NRXN3: variants seen among roughly 807,000 people sequenced by gnomAD.
The protein encoded by NRXN3 is neurexin III.
Under a neutral mutation model 137.6 loss-of-function variants are expected in NRXN3, and 32 were observed. The observed-to-expected ratio is 0.23, with a 90% CI of 0.18 to 0.31. The LOEUF (loss-of-function observed/expected upper bound fraction) is 0.31, where lower values mean the gene tolerates loss of function less well. Among genes scored for constraint, NRXN3 ranks in the 10% least tolerant of loss-of-function variants. The probability of loss-of-function intolerance (pLI) is 1.00; values close to 1 mark genes in which losing one functional copy is unlikely to be tolerated. For missense variants in NRXN3, 1,574 were observed against 2,062.5 expected (o/e 0.76, Z 4.59); for synonymous variants, 798 against 784.5 (o/e 1.02, Z -0.29).
At chr14:78,661,096 G>A (rs1352529502) in intron 6 of NRXN3, among the ~76,000 whole-genome samples, 1 of 152,150 alleles carries the variant, frequency 6.6e-6, no homozygotes, top group East Asian at 1.9e-4. Flanking sequence ...CTAGACAATT[G>A]AAAAATGTAG....
chr14:79,013,498 T>A (rs1438583574), intron 15 of NRXN3, among the ~76,000 whole-genome samples: 1 of 152,190 alleles, frequency 6.6e-6, no homozygotes, highest in East Asian at 1.9e-4. Context: ...TCACAGGGGT[T>A]ATTAACTTCT....
intron 4 of NRXN3, among the ~76,000 whole-genome samples, chr14:78,344,083 A>G (rs1035164339): frequency 3.3e-5 from 5 of 152,146 alleles, no homozygotes; most frequent in African/African-American, 1.2e-4. Flanking sequence ...ATTCCACTAG[A>G]TATCCAGGGT....
At chr14:79,346,793 C>T (rs552358905) in intron 15 of NRXN3, among the ~76,000 whole-genome samples, 24 of 152,158 alleles carry the variant, frequency 1.6e-4, no homozygotes, top group African/African-American at 5.5e-4. Flanking sequence ...GCTTGATTGC[C>T]CCATCCAAAA....
At chr14:79,016,086 G>T (rs1467001976) in intron 15 of NRXN3, among the ~76,000 whole-genome samples, 1 of 151,882 alleles carries the variant, frequency 6.6e-6, no homozygotes, top group Non-Finnish European at 1.5e-5. Context: ...CCCTTTATTT[G>T]CTCTTTCTGC....
intron 16 of NRXN3, among the ~76,000 whole-genome samples, chr14:79,496,241 A>T (rs61995167): frequency 0.17 from 22,905 of 134,542 alleles, 1,943 homozygotes; most frequent in African/African-American, 0.27. Context: ...TCTCTCTCAC[A>T]CACACACACA....
intron 1 of NRXN3, among the ~76,000 whole-genome samples, chr14:78,235,402 A>G (rs1390083452): frequency 1.3e-5 from 2 of 151,986 alleles, no homozygotes; most frequent in Non-Finnish European, 2.9e-5. Context: ...GCCTTCTTTG[A>G]ATGCTGTTCT....
intron 16 of NRXN3, among the ~76,000 whole-genome samples, chr14:79,614,696 C>A (rs79916960): frequency 0.035 from 5,278 of 151,454 alleles, 310 homozygotes; most frequent in African/African-American, 0.12. Flanking sequence ...CTCCTGTGCC[C>A]AGCAAAATGT....
At chr14:78,652,825 G>A (rs898677363) in intron 6 of NRXN3, among the ~76,000 whole-genome samples, 2 of 152,198 alleles carry the variant, frequency 1.3e-5, no homozygotes, top group Admixed American at 1.3e-4. Flanking sequence ...AAATTTGGTG[G>A]CTCTTTTTAA....
chr14:78,257,516 T>C (rs924687771), intron 2 of NRXN3, among the ~76,000 whole-genome samples: 30 of 152,176 alleles, frequency 2.0e-4, no homozygotes, highest in African/African-American at 7.0e-4. Flanking sequence ...AAGTGAGAGT[T>C]AGGGATTGGA....
intron 15 of NRXN3, among the ~76,000 whole-genome samples, chr14:79,037,971 T>G (rs1298623475): frequency 6.6e-6 from 1 of 152,062 alleles, no homozygotes; most frequent in Non-Finnish European, 1.5e-5. Flanking sequence ...GAAAATATGA[T>G]TGGGTTTAAT....
chr14:79,259,935 C>T (rs965677644), intron 15 of NRXN3, among the ~76,000 whole-genome samples: 1 of 152,082 alleles, frequency 6.6e-6, no homozygotes, highest in Non-Finnish European at 1.5e-5. Context: ...GTCTCCCCCA[C>T]CTTTCCTTTT....
chr14:78,651,380 C>A, intron 6 of NRXN3, 54 bp downstream of exon 6: 1 of 1,553,484 alleles, frequency 6.4e-7, no homozygotes, highest in Non-Finnish European at 8.8e-7. Flanking sequence ...CATTTATAAA[C>A]AAATGACATG....
intron 17 of NRXN3, among the ~76,000 whole-genome samples, chr14:79,669,398 T>C (rs970966968): frequency 2.0e-5 from 3 of 152,246 alleles, no homozygotes; most frequent in Admixed American, 1.3e-4. Flanking sequence ...TCACAAAATG[T>C]ATCAATTAAT....
intron 1 of NRXN3, among the ~76,000 whole-genome samples, chr14:78,201,925 C>T (rs1017931411): frequency 6.6e-6 from 1 of 152,248 alleles, no homozygotes; most frequent in Non-Finnish European, 1.5e-5. Flanking sequence ...TTCAAAGCCT[C>T]TCTCTGAGCA....
chr14:78,746,564 G>A (rs945723216), intron 8 of NRXN3, among the ~76,000 whole-genome samples: 2 of 152,122 alleles, frequency 1.3e-5, no homozygotes, highest in South Asian at 2.1e-4. Flanking sequence ...CCCTGAACAC[G>A]GAGGAAATTC....
At chr14:78,175,242 C>T (rs11628166) in intron 1 of NRXN3, among the ~76,000 whole-genome samples, 1 of 152,238 alleles carries the variant, frequency 6.6e-6, no homozygotes, top group East Asian at 1.9e-4. Context: ...ACCTTTCTAG[C>T]ATCCCTCTCC....
chr14:79,342,291 A>C (rs1026097427), intron 15 of NRXN3, among the ~76,000 whole-genome samples: 1 of 152,222 alleles, frequency 6.6e-6, no homozygotes, highest in African/African-American at 2.4e-5. Context: ...TCTAAGATGC[A>C]GACAGGTATA....
At chr14:78,305,907 A>G (rs1210250389) in intron 4 of NRXN3, among the ~76,000 whole-genome samples, 1 of 152,160 alleles carries the variant, frequency 6.6e-6, no homozygotes, top group Non-Finnish European at 1.5e-5. Context: ...CTGTGGGGGA[A>G]AATAGATTTA....
intron 16 of NRXN3, among the ~76,000 whole-genome samples, chr14:79,577,101 G>A (rs2371058): frequency 0.2 from 30,721 of 151,850 alleles, 4,258 homozygotes; most frequent in African/African-American, 0.39. Context: ...TATAAATGGG[G>A]GTTCCCCTGC....
Sources: allele counts gnomAD v4.1 joint callset (sites outside exome capture counted in the v4.1 genomes callset), GRCh38; gene constraint gnomAD v4.1.1; transcripts MANE v1.5; gene names NCBI Gene and HGNC (gene_info 2026-07-23, HGNC 2026-07-21).